UNC5C: variants seen among roughly 807,000 people sequenced by gnomAD.
UNC5C encodes the protein netrin receptor UNC5C.
In UNC5C, 47 loss-of-function variants were observed where a neutral mutation model predicts 99.8. The observed-to-expected ratio is 0.47, with a 90% CI of 0.37 to 0.60. The LOEUF (loss-of-function observed/expected upper bound fraction) is 0.60. UNC5C is among the 20% of genes least tolerant of loss of function. UNC5C has a pLI of 0.00. For missense variants in UNC5C, 1,062 were observed against 1,165.9 expected (o/e 0.91, Z 1.30); for synonymous variants, 487 against 452.2 (o/e 1.08, Z -0.98).
In UNC5C at chr4:95,189,824, TAA is replaced by T. The variant is rs1461034854; in HGVS notation, c.2137-4630_2137-4629del. 2.6e-5 allele frequency among the ~76,000 whole-genome samples: 4 copies of T among 152,180 alleles called. No individual in the cohort carries two copies. In the East Asian group the frequency reaches 7.7e-4, roughly 29 times the overall value. ...TCACACCAGTTAGAATGGTGATCTT[TAA>T]AAAGTCAGGAAACAACAGGTGCTGG... On this transcript the variant is annotated intron_variant, in intron 12 of 15. Transcript: ENST00000453304.
chr4:95,518,381 T>G (rs140106914), intron 1 of UNC5C, among the ~76,000 whole-genome samples: 28 of 152,336 alleles, frequency 1.8e-4, no homozygotes, highest in Non-Finnish European at 3.8e-4. Context: ...AAGACAAGAC[T>G]CCATATACAA....
At chr4:95,305,391 A>T (rs903095109) in intron 2 of UNC5C, among the ~76,000 whole-genome samples, 2 of 152,254 alleles carry the variant, frequency 1.3e-5, no homozygotes, top group Admixed American at 1.3e-4. Flanking sequence ...AAAGTAGATA[A>T]TATTTTTTCT....
At chr4:95,403,781 ACT>A (rs1302421530) in intron 1 of UNC5C, among the ~76,000 whole-genome samples, 1 of 152,190 alleles carries the variant, frequency 6.6e-6, no homozygotes, top group Non-Finnish European at 1.5e-5. Flanking sequence ...TTAAAGTAAC[ACT>A]GATATGTTTC....
At chr4:95,362,222 T>A (rs942898955) in intron 1 of UNC5C, among the ~76,000 whole-genome samples, 1 of 152,134 alleles carries the variant, frequency 6.6e-6, no homozygotes, top group African/African-American at 2.4e-5. Flanking sequence ...TTAGGCCACG[T>A]GGTTCGGTTT....
chr4:95,343,446 T>C (rs1045035623), intron 1 of UNC5C, among the ~76,000 whole-genome samples: 1 of 152,140 alleles, frequency 6.6e-6, no homozygotes, highest in African/African-American at 2.4e-5. Flanking sequence ...AAAGTCATAG[T>C]GTTACTGGGC....
chr4:95,505,879 G>T (rs1721905356), intron 1 of UNC5C, among the ~76,000 whole-genome samples: 1 of 151,988 alleles, frequency 6.6e-6, no homozygotes, highest in South Asian at 2.1e-4. Flanking sequence ...GATTTATCTT[G>T]TCTTTGAGGA....
At chr4:95,264,499 T>C (rs554482182) in intron 4 of UNC5C, among the ~76,000 whole-genome samples, 1 of 152,086 alleles carries the variant, frequency 6.6e-6, no homozygotes, top group South Asian at 2.1e-4. Flanking sequence ...ACTCCCCCAA[T>C]GCTCTTTCTT....
intron 1 of UNC5C, among the ~76,000 whole-genome samples, chr4:95,463,458 A>C (rs6819281): frequency 0.014 from 2,075 of 152,176 alleles, 29 homozygotes; most frequent in Middle Eastern, 0.044. Flanking sequence ...CAGAGTCCAA[A>C]CCATGAGGCA....
At chr4:95,297,489 G>T (rs1042383331) in intron 3 of UNC5C, among the ~76,000 whole-genome samples, 1 of 152,150 alleles carries the variant, frequency 6.6e-6, no homozygotes, top group Non-Finnish European at 1.5e-5. Flanking sequence ...AAGCAGGAGA[G>T]ATATAAAATT....
At chr4:95,195,953 C>T (rs1737363168) in intron 12 of UNC5C, among the ~76,000 whole-genome samples, 1 of 150,826 alleles carries the variant, frequency 6.6e-6, no homozygotes, top group African/African-American at 2.4e-5. Flanking sequence ...ATTTATATCA[C>T]AAATACATTT....
rs1396150311 is a variant in UNC5C, at chr4:95,170,156, G to A, written c.2628C>T (p.Asp876=). 1 of 1,613,970 alleles carries A rather than the reference G, an allele frequency of 6.2e-7. No homozygotes were observed. The highest frequency in any genetic ancestry group is 2.2e-5 in the East Asian group (1 of 44,876). Residue 876 remains aspartate (D), a splice_region_variant and synonymous_variant, in exon 15 of 16, where the codon GAC becomes GAT. Coordinates refer to ENST00000453304, the MANE Select transcript of UNC5C (RefSeq NM_003728.4). ...WRMLAHKLNL[D]RYLNYFATKS... ...TCTTGGGGCCAGACCATACCCACCT[G>A]TCCAGGTTCAGCTTATGGGCCAGCA...
chr4:95,302,447 A>T (rs1741913541), intron 2 of UNC5C, among the ~76,000 whole-genome samples: 1 of 152,234 alleles, frequency 6.6e-6, no homozygotes, highest in African/African-American at 2.4e-5. Context: ...AATAACAAAA[A>T]ATTGAACTAA....
intron 1 of UNC5C, among the ~76,000 whole-genome samples, chr4:95,363,560 AATTGC>A (rs1456693065): frequency 6.6e-6 from 1 of 151,738 alleles, no homozygotes; most frequent in African/African-American, 2.4e-5. Context: ...GATAGTGATT[AATTGC>A]ACTCTATAAA....
intron 1 of UNC5C, among the ~76,000 whole-genome samples, chr4:95,436,671 A>C (rs2149462053): frequency 6.6e-6 from 1 of 152,100 alleles, no homozygotes; most frequent in Admixed American, 6.6e-5. Context: ...AAATATCAGA[A>C]TATTTTGCTA....
Position 95,320,803 on chromosome 4 carries a change from A to G in UNC5C, c.346+14607T>C, listed in dbSNP as rs149178311. Among the ~76,000 whole-genome samples, 419 of 152,350 alleles carry G rather than the reference A, an allele frequency of 2.8e-3. 2 individuals are homozygous for G. Among genetic ancestry groups the G allele is most frequent in the African/African-American group, 9.6e-3 (401 of 41,576 alleles). Reference sequence around the variant, plus strand: ...CACACACATGTGTGTCTGTACTTACATATCTACTTATATGCATATTCTTGA... The same window carrying G: ...CACACACATGTGTGTCTGTACTTACGTATCTACTTATATGCATATTCTTGA... On this transcript the variant is annotated intron_variant, in intron 2 of 15. Coordinates refer to ENST00000453304, the MANE Select transcript of UNC5C (RefSeq NM_003728.4).
At chr4:95,490,924 A>G (rs963057133) in intron 1 of UNC5C, among the ~76,000 whole-genome samples, 1 of 151,676 alleles carries the variant, frequency 6.6e-6, no homozygotes, top group African/African-American at 2.4e-5. Context: ...CTTTAATTCT[A>G]TATAGTTCCT....
At chr4:95,423,834 C>T (rs1409114868) in intron 1 of UNC5C, among the ~76,000 whole-genome samples, 2 of 152,164 alleles carry the variant, frequency 1.3e-5, no homozygotes, top group Non-Finnish European at 2.9e-5. Flanking sequence ...GCTATAGTAA[C>T]ACTGGGGTAA....
chr4:95,180,460 T>G (rs1736568933), intron 14 of UNC5C, among the ~76,000 whole-genome samples: 1 of 152,260 alleles, frequency 6.6e-6, no homozygotes, highest in Non-Finnish European at 1.5e-5. Context: ...ATCTTTTACA[T>G]TTTGACATTC....
intron 1 of UNC5C, among the ~76,000 whole-genome samples, chr4:95,468,561 G>A (rs1373295945): frequency 6.6e-6 from 1 of 152,126 alleles, no homozygotes; most frequent in African/African-American, 2.4e-5. Context: ...TCTCCAGCAG[G>A]AATTTACTGT....
Sources: allele counts gnomAD v4.1 joint callset (sites outside exome capture counted in the v4.1 genomes callset), GRCh38; gene constraint gnomAD v4.1.1; transcripts MANE v1.5; gene names NCBI Gene and HGNC (gene_info 2026-07-23, HGNC 2026-07-21).